The following RALGAPA2 variants were observed in gnomAD, a reference collection of about 807,000 sequenced individuals.
RALGAPA2 encodes ral GTPase-activating protein subunit alpha-2.
Under a neutral mutation model 230.4 loss-of-function variants are expected in RALGAPA2, and 139 were observed. The observed-to-expected ratio is 0.60, with a 90% CI of 0.53 to 0.69. RALGAPA2 has a LOEUF of 0.69. RALGAPA2 is among the 30% of genes least tolerant of loss of function. The pLI, the probability that RALGAPA2 is intolerant of heterozygous loss-of-function variation, is 0.00. For synonymous variants in RALGAPA2, 847 were observed against 837.8 expected (o/e 1.01, Z -0.19); for missense variants, 2,163 against 2,276.0 (o/e 0.95, Z 1.01).
rs567757983 is a variant in RALGAPA2, at chr20:20,459,428, T to C, written c.5495+13401A>G. On this transcript the variant is annotated intron_variant, in intron 37 of 39. Coordinates refer to ENST00000202677, the MANE Select transcript of RALGAPA2 (RefSeq NM_020343.4). ...GCATGCTTAAGAGGTTTTTTTGCTTTTTTTTTTTTTTTAGGTCTTTGGGTG... is the reference window on the plus strand; with the variant it reads ...GCATGCTTAAGAGGTTTTTTTGCTTCTTTTTTTTTTTTAGGTCTTTGGGTG... 2.7e-5 allele frequency among the ~76,000 whole-genome samples: 4 copies of C among 150,818 alleles called. No individual in the cohort carries two copies. In the East Asian group the frequency reaches 7.8e-4, roughly 29 times the overall value.
intron 25 of RALGAPA2, among the ~76,000 whole-genome samples, chr20:20,536,327 T>C (rs1016340597): frequency 6.6e-6 from 1 of 152,242 alleles, no homozygotes; most frequent in African/African-American, 2.4e-5. Flanking sequence ...TTCTTATAAA[T>C]TAACTTGATG....
chr20:20,485,652 T>A lies in RALGAPA2; in HGVS notation c.5367+9465A>T, dbSNP rs368878702. Reference sequence around the variant, plus strand: ...CTGAGTATGAAAATACATTTATAACTAACCCAAATCCACTTTCAAATAACA... The same window carrying A: ...CTGAGTATGAAAATACATTTATAACAAACCCAAATCCACTTTCAAATAACA... On this transcript the variant is annotated intron_variant, in intron 36 of 39. Coordinates refer to ENST00000202677, the MANE Select transcript of RALGAPA2 (RefSeq NM_020343.4). Among the ~76,000 whole-genome samples the A allele has an allele frequency of 3.3e-5, 5 of 152,326 alleles. No homozygotes were observed. In the East Asian group the frequency reaches 5.8e-4, roughly 18 times the overall value.
chr20:20,668,852 G>A (rs1288654574), intron 3 of RALGAPA2, among the ~76,000 whole-genome samples: 2 of 152,144 alleles, frequency 1.3e-5, no homozygotes, highest in African/African-American at 2.4e-5. Flanking sequence ...GTGTTAGCCC[G>A]ACAGAGCACT....
At chr20:20,504,919 A>G (rs1043902755) in intron 34 of RALGAPA2, 4 of 895,472 alleles carry the variant, frequency 4.5e-6, no homozygotes, top group Non-Finnish European at 5.3e-6. Context: ...GAAAAAATAA[A>G]CTTTTTCAAC....
chr20:20,458,208 T>C (rs1309615266), intron 37 of RALGAPA2, among the ~76,000 whole-genome samples: 1 of 151,968 alleles, frequency 6.6e-6, no homozygotes, highest in Non-Finnish European at 1.5e-5. Flanking sequence ...GAGAAAGCCT[T>C]CAATTGAGAT....
At chr20:20,509,874 C>A (rs911283731) in intron 33 of RALGAPA2, among the ~76,000 whole-genome samples, 1 of 151,972 alleles carries the variant, frequency 6.6e-6, no homozygotes, top group African/African-American at 2.4e-5. Flanking sequence ...ACCAAAGGAC[C>A]TTTCTGAAAT....
At chr20:20,420,167 G>A (rs2060248078) in intron 37 of RALGAPA2, among the ~76,000 whole-genome samples, 1 of 152,200 alleles carries the variant, frequency 6.6e-6, no homozygotes, top group African/African-American at 2.4e-5. Flanking sequence ...TTCAGGAGGA[G>A]AAAGGAGACT....
chr20:20,659,115 C>T (rs914613412), intron 3 of RALGAPA2, among the ~76,000 whole-genome samples: 6 of 152,134 alleles, frequency 3.9e-5, no homozygotes, highest in African/African-American at 9.7e-5. Context: ...AGTTACTTGA[C>T]CTTTTGAATA....
In RALGAPA2 at chr20:20,447,848, C is replaced by T. The variant is rs529327462; in HGVS notation, c.5495+24981G>A. Among the ~76,000 whole-genome samples, 4 of 152,204 alleles carry T rather than the reference C, an allele frequency of 2.6e-5. No individual in the cohort carries two copies. The East Asian group carries it at 5.8e-4, about 22-fold the overall frequency. The stretch of plus-strand genomic sequence containing the variant: ...CGACAGTATCTGAGGATCTCTGCCC[C>T]GCATCCTCAGTGTAGCCAGCAATGT... On this transcript the variant is annotated intron_variant, in intron 37 of 39. Coordinates refer to ENST00000202677, the MANE Select transcript of RALGAPA2 (RefSeq NM_020343.4).
At chr20:20,636,198 A>C (rs984228223) in intron 8 of RALGAPA2, among the ~76,000 whole-genome samples, 3 of 152,202 alleles carry the variant, frequency 2.0e-5, no homozygotes, top group African/African-American at 7.2e-5. Flanking sequence ...AGACTTAATA[A>C]GAAGTCAGTT....
At chr20:20,559,262 G>A (rs1382704710) in intron 23 of RALGAPA2, among the ~76,000 whole-genome samples, 7 of 152,234 alleles carry the variant, frequency 4.6e-5, no homozygotes, top group Non-Finnish European at 1.0e-4. Flanking sequence ...GGACTCTACC[G>A]ACCAACCCTC....
chr20:20,521,020 G>A lies in RALGAPA2; in HGVS notation c.3981C>T (p.Ser1327=). Residue 1327 remains serine (S), a synonymous_variant, in exon 31 of 40, where the codon TCC becomes TCT. Coordinates refer to ENST00000202677, the MANE Select transcript of RALGAPA2 (RefSeq NM_020343.4). The stretch of plus-strand genomic sequence containing the variant: ...GTGGCAGGAAGGGGTCATAATCCGT[G>A]GATGACAAGTCAGCCAGGGTCAGTA... ...HYILTLADLS[S]TDYDPFLPLA... 6.2e-7 allele frequency: 1 copy of A among 1,613,918 alleles called. No homozygotes were observed. Among genetic ancestry groups the A allele is most frequent in the Non-Finnish European group, 8.5e-7 (1 of 1,179,852 alleles).
At chr20:20,516,383 C>T (rs1286067129) in intron 31 of RALGAPA2, among the ~76,000 whole-genome samples, 1 of 152,210 alleles carries the variant, frequency 6.6e-6, no homozygotes, top group Non-Finnish European at 1.5e-5. Flanking sequence ...GCAGCTGGTG[C>T]TCTCTTGCAA....
chr20:20,514,074 T>A (rs895171041), intron 31 of RALGAPA2, among the ~76,000 whole-genome samples: 6 of 152,180 alleles, frequency 3.9e-5, no homozygotes, highest in African/African-American at 1.4e-4. Context: ...GTGGAAATCC[T>A]TTCCTAGACT....
Position 20,417,986 on chromosome 20 carries a change from TCTTAAGAAACCAAAACATGAACCACAG to T in RALGAPA2, c.5496-5865_5496-5839del, listed in dbSNP as rs2060200481. 8.5e-5 allele frequency among the ~76,000 whole-genome samples: 13 copies of T among 152,298 alleles called. No individual in the cohort carries two copies. The South Asian group carries it at 2.7e-3, about 32-fold the overall frequency. ...TTATGACCTTGGGGTATGGAAAATCTCTTAAGAAACCAAAACATGAACCACAGGGAGAAGAGACTGGTACATCTGACC... is the reference window on the plus strand; with the variant it reads ...TTATGACCTTGGGGTATGGAAAATCTGGAGAAGAGACTGGTACATCTGACC... On this transcript the variant is annotated intron_variant, in intron 37 of 39. Coordinates refer to ENST00000202677, the MANE Select transcript of RALGAPA2 (RefSeq NM_020343.4).
intron 27 of RALGAPA2, among the ~76,000 whole-genome samples, chr20:20,530,877 G>A (rs1293715337): frequency 6.6e-6 from 1 of 152,152 alleles, no homozygotes. Context: ...ACAGCGCCTG[G>A]CAGAGACCAG....
intron 3 of RALGAPA2, among the ~76,000 whole-genome samples, chr20:20,664,118 T>C (rs929967232): frequency 6.6e-6 from 1 of 152,214 alleles, no homozygotes; most frequent in Non-Finnish European, 1.5e-5. Context: ...AACTTATGAA[T>C]GGTTTATTTC....
In RALGAPA2 at chr20:20,693,787, T is replaced by C. The variant is rs147295144; in HGVS notation, c.107-12986A>G. 8.6e-4 allele frequency among the ~76,000 whole-genome samples: 131 copies of C among 152,194 alleles called. 2 individuals carry two copies. In the East Asian group the frequency reaches 0.02, roughly 23 times the overall value. Reference sequence around the variant, plus strand: ...AACCCAGACAGTCAGGCTCCCATACTGTTCACCCAATTAAGTGTAATACTA... The same window carrying C: ...AACCCAGACAGTCAGGCTCCCATACCGTTCACCCAATTAAGTGTAATACTA... On this transcript the variant is annotated intron_variant, in intron 1 of 39. Coordinates refer to ENST00000202677, the MANE Select transcript of RALGAPA2 (RefSeq NM_020343.4).
intron 24 of RALGAPA2, among the ~76,000 whole-genome samples, chr20:20,545,410 T>C (rs2063754032): frequency 6.6e-6 from 1 of 152,162 alleles, no homozygotes; most frequent in Non-Finnish European, 1.5e-5. Context: ...CCTGTCTCTT[T>C]TCACTTCTCT....
Sources: allele counts gnomAD v4.1 joint callset (sites outside exome capture counted in the v4.1 genomes callset), GRCh38; gene constraint gnomAD v4.1.1; transcripts MANE v1.5; gene names NCBI Gene and HGNC (gene_info 2026-07-23, HGNC 2026-07-21).